NAV3: variants seen among roughly 807,000 people sequenced by gnomAD.
NAV3 encodes pore membrane and/or filament interacting like protein 1.
Under a neutral mutation model 244.7 loss-of-function variants are expected in NAV3, and 87 were observed. The ratio of observed to expected loss-of-function variants is 0.36; its 90% CI spans 0.30 to 0.42. The LOEUF is 0.42. Among genes scored for constraint, NAV3 ranks in the 20% least tolerant of loss-of-function variants. The pLI is 1.00. For synonymous variants in NAV3, 1,126 were observed against 1,042.2 expected, an observed-to-expected ratio of 1.08 and a Z score of -1.55; for missense variants, 2,663 against 2,893.3, an observed-to-expected ratio of 0.92 and a Z score of 1.83.
At chr12:77,683,150 T>C (rs1874547140) in intron 2 of NAV3, among the ~76,000 whole-genome samples, 1 of 152,162 alleles carries the variant, frequency 6.6e-6, no homozygotes, top group South Asian at 2.1e-4. Flanking sequence ...TTTCAGATCT[T>C]ATATTTGAGT....
At chr12:77,897,224 A>G (rs531801575) in intron 1 of NAV3, among the ~76,000 whole-genome samples, 1 of 152,320 alleles carries the variant, frequency 6.6e-6, no homozygotes, top group South Asian at 2.1e-4. Flanking sequence ...GTGATTTCCC[A>G]TGTCCACTGT....
At chr12:77,720,440 C>T (rs1234695229) in intron 2 of NAV3, among the ~76,000 whole-genome samples, 1 of 152,034 alleles carries the variant, frequency 6.6e-6, no homozygotes, top group Non-Finnish European at 1.5e-5. Context: ...CTTCTTTTTG[C>T]AGGAAACTGT....
intron 12 of NAV3, among the ~76,000 whole-genome samples, chr12:78,086,831 T>C (rs188158641): frequency 1.3e-5 from 2 of 152,182 alleles, no homozygotes; most frequent in East Asian, 1.9e-4. Flanking sequence ...TCCTCATCTA[T>C]GTGTTGGGAT....
At chr12:77,705,317 G>T (rs1252499023) in intron 2 of NAV3, among the ~76,000 whole-genome samples, 3 of 151,328 alleles carry the variant, frequency 2.0e-5, no homozygotes, top group African/African-American at 7.4e-5. Flanking sequence ...CTATTTGGGA[G>T]GCTGAGGCAC....
intron 2 of NAV3, among the ~76,000 whole-genome samples, chr12:77,699,582 C>T (rs1053186037): frequency 8.6e-5 from 13 of 152,014 alleles, no homozygotes; most frequent in Non-Finnish European, 1.6e-4. Context: ...TCTAGAGCTT[C>T]GAGCTTCCTT....
intron 7 of NAV3, 149 bp downstream of exon 7, chr12:77,998,625 C>A: frequency 1.4e-6 from 1 of 719,870 alleles, no homozygotes; most frequent in Non-Finnish European, 2.1e-6. Context: ...CCCCTCCTGA[C>A]TGCCAGCTTT....
At chr12:78,033,358 T>A (rs1009822577) in intron 9 of NAV3, among the ~76,000 whole-genome samples, 2 of 152,084 alleles carry the variant, frequency 1.3e-5, no homozygotes, top group Non-Finnish European at 2.9e-5. Flanking sequence ...TGAAAAGCAT[T>A]CCTTTCCAGC....
intron 2 of NAV3, among the ~76,000 whole-genome samples, chr12:77,663,666 C>T (rs1873579115): frequency 6.6e-6 from 1 of 152,044 alleles, no homozygotes; most frequent in Non-Finnish European, 1.5e-5. Flanking sequence ...GAATTACAGG[C>T]CTGCACCACC....
In NAV3 at chr12:77,720,419, G is replaced by T. The variant is rs146374674; in HGVS notation, c.72+148153G>T. Among the ~76,000 whole-genome samples the T allele has an allele frequency of 7.0e-4, 107 of 152,188 alleles. 2 individuals carry two copies. The East Asian group carries it at 0.015, about 21-fold the overall frequency. ...TGTGCACATAAATTTCCAATTAGAA[G>T]GATTTACTGGCTTCTTTTTGCAGGA... is the stretch of plus-strand genomic sequence containing the variant. On this transcript the variant is annotated intron_variant, in intron 2 of 8. Coordinates refer to the NAV3 transcript ENST00000550042.
intron 2 of NAV3, among the ~76,000 whole-genome samples, chr12:77,818,438 T>A (rs1872604353): frequency 6.6e-6 from 1 of 152,160 alleles, no homozygotes; most frequent in Non-Finnish European, 1.5e-5. Context: ...GGGAGAAGAA[T>A]CCATCCCATC....
chr12:77,965,591 C>A (rs1892443910), intron 3 of NAV3, among the ~76,000 whole-genome samples: 1 of 152,180 alleles, frequency 6.6e-6, no homozygotes, highest in South Asian at 2.1e-4. Flanking sequence ...TGCACTCCAG[C>A]CTGTGTGACG....
intron 2 of NAV3, among the ~76,000 whole-genome samples, chr12:77,742,871 T>TA (rs545888358): frequency 1.3e-5 from 2 of 151,574 alleles, no homozygotes; most frequent in African/African-American, 2.4e-5. Context: ...CAATTGCAAA[T>TA]AAAAAAAAGT....
chr12:78,189,964 T>C lies in NAV3; in HGVS notation c.6056-20T>C. On this transcript the variant is annotated intron_variant, in intron 33 of 39. Transcript: ENST00000397909. ...TATGTAGAACAATAAATCATGCTAT[T>C]TTTTTGTTTCTTCTTTCAGGGGTAG... The C allele has an allele frequency of 6.4e-7, 1 of 1,566,516 alleles. No individual in the cohort carries two copies.
At chr12:77,818,687 T>C (rs1389341170) in intron 2 of NAV3, among the ~76,000 whole-genome samples, 3 of 152,046 alleles carry the variant, frequency 2.0e-5, no homozygotes, top group African/African-American at 7.2e-5. Flanking sequence ...TGGTCTCCAT[T>C]AGAAAAGTGT....
chr12:77,726,580 A>T (rs1876888049), intron 2 of NAV3, among the ~76,000 whole-genome samples: 1 of 151,934 alleles, frequency 6.6e-6, no homozygotes, highest in Non-Finnish European at 1.5e-5. Flanking sequence ...AATGAAAAAA[A>T]ATGGAAAGAA....
At chr12:78,102,754 T>C (rs1046937364) in intron 12 of NAV3, among the ~76,000 whole-genome samples, 3 of 152,212 alleles carry the variant, frequency 2.0e-5, no homozygotes, top group Admixed American at 6.5e-5. Flanking sequence ...GCAGGCTCTC[T>C]ACCACGTGGA....
At chr12:78,004,824 G>A (rs957029728) in intron 7 of NAV3, among the ~76,000 whole-genome samples, 1 of 152,172 alleles carries the variant, frequency 6.6e-6, no homozygotes. Flanking sequence ...GCTTCAGGAA[G>A]TATCTTATAT....
chr12:77,983,955 T>G (rs542945385), intron 5 of NAV3, among the ~76,000 whole-genome samples: 1 of 152,210 alleles, frequency 6.6e-6, no homozygotes, highest in African/African-American at 2.4e-5. Context: ...TATATTCATC[T>G]AATCACTGCA....
intron 24 of NAV3, 114 bp downstream of exon 24, chr12:78,168,980 G>A: frequency 1.6e-6 from 1 of 611,836 alleles, no homozygotes; most frequent in East Asian, 3.0e-5. Flanking sequence ...ATACATACTA[G>A]TTGTATTAAT....
Sources: allele counts gnomAD v4.1 joint callset (sites outside exome capture counted in the v4.1 genomes callset), GRCh38; gene constraint gnomAD v4.1.1; transcripts MANE v1.5; gene names NCBI Gene and HGNC (gene_info 2026-07-23, HGNC 2026-07-21).